KALRN: variants seen among roughly 807,000 people sequenced by gnomAD.
The protein encoded by KALRN is kalirin RhoGEF kinase.
A neutral mutation model predicts 353.7 loss-of-function variants in KALRN; 70 were observed. That is an observed-to-expected ratio of 0.20 (90% CI 0.16 to 0.24). The LOEUF (loss-of-function observed/expected upper bound fraction) is 0.24. KALRN is among the 10% of genes least tolerant of loss of function. KALRN has a pLI of 1.00. For synonymous variants in KALRN, 1,391 were observed against 1,434.8 expected (o/e 0.97, Z 0.69); for missense variants, 2,791 against 3,756.7 (o/e 0.74, Z 6.72).
chr3:124,707,426 C>G (rs1182265119), intron 57 of KALRN, among the ~76,000 whole-genome samples: 1 of 150,426 alleles, frequency 6.6e-6, no homozygotes, highest in Non-Finnish European at 1.5e-5. Flanking sequence ...TCCTTCCTTC[C>G]TTCCTTCCTT....
At chr3:124,094,936 G>T in intron 1 of KALRN, 2 of 1,587,292 alleles carry the variant, frequency 1.3e-6, no homozygotes, top group South Asian at 2.2e-5. Context: ...TTGTATGAGA[G>T]ACTGAGAGAG....
intron 33 of KALRN, among the ~76,000 whole-genome samples, chr3:124,520,296 GT>G (rs1287467935): frequency 6.6e-6 from 1 of 151,968 alleles, no homozygotes; most frequent in African/African-American, 2.4e-5. Context: ...ATAATCAATG[GT>G]AAAATTTTAT....
At chr3:124,554,594 A>G (rs1180006404) in intron 33 of KALRN, among the ~76,000 whole-genome samples, 1 of 152,088 alleles carries the variant, frequency 6.6e-6, no homozygotes, top group Non-Finnish European at 1.5e-5. Flanking sequence ...AGGATTTTAT[A>G]GTGTTACTGA....
chr3:124,244,428 G>A (rs2080872011), intron 3 of KALRN, among the ~76,000 whole-genome samples: 1 of 152,044 alleles, frequency 6.6e-6, no homozygotes, highest in Non-Finnish European at 1.5e-5. Flanking sequence ...GTAGAGATGG[G>A]GTTTCACTAT....
chr3:124,634,563 A>C (rs879403617), intron 36 of KALRN, among the ~76,000 whole-genome samples: 3 of 152,090 alleles, frequency 2.0e-5, no homozygotes, highest in African/African-American at 7.2e-5. Flanking sequence ...GTCTCCAGTC[A>C]CCCGGTGATC....
intron 37 of KALRN, among the ~76,000 whole-genome samples, chr3:124,644,045 T>C (rs2082409140): frequency 6.6e-6 from 1 of 152,244 alleles, no homozygotes; most frequent in African/African-American, 2.4e-5. Flanking sequence ...TTAATGATAA[T>C]CCTCATGTAG....
At chr3:124,649,609 T>TAAACAAACAAACAAAC (rs75988107) in intron 37 of KALRN, among the ~76,000 whole-genome samples, 45 of 143,326 alleles carry the variant, frequency 3.1e-4, no homozygotes, top group African/African-American at 1.1e-3. Flanking sequence ...CCCAGTCTCT[T>TAAACAAACAAACAAAC]AAACAAACAA....
intron 13 of KALRN, among the ~76,000 whole-genome samples, chr3:124,405,915 A>G (rs1022936341): frequency 2.0e-5 from 3 of 152,188 alleles, no homozygotes; most frequent in Non-Finnish European, 4.4e-5. Flanking sequence ...AAGTACTGGG[A>G]TTACAGGCGT....
chr3:124,131,828 C>A (rs72972637), intron 1 of KALRN, among the ~76,000 whole-genome samples: 5,726 of 152,208 alleles, frequency 0.038, 381 homozygotes, highest in African/African-American at 0.13. Flanking sequence ...AACCCAGGCC[C>A]ATTTCTGGCT....
At chr3:124,262,920 ATACTATGCTGG>A (rs1471030777) in intron 3 of KALRN, among the ~76,000 whole-genome samples, 1 of 152,182 alleles carries the variant, frequency 6.6e-6, no homozygotes, top group Non-Finnish European at 1.5e-5. Flanking sequence ...CCCTAAGGAA[ATACTATGCTGG>A]TATTTATATT....
chr3:124,043,508 T>C (rs1370279475), intron 1 of KALRN, among the ~76,000 whole-genome samples: 2 of 152,012 alleles, frequency 1.3e-5, no homozygotes, highest in African/African-American at 2.4e-5. Context: ...GGATGCTTCT[T>C]TCTTGGACTC....
At chr3:124,359,789 G>T (rs1027969989) in intron 10 of KALRN, among the ~76,000 whole-genome samples, 1 of 152,206 alleles carries the variant, frequency 6.6e-6, no homozygotes, top group African/African-American at 2.4e-5. Context: ...CTGGTGGCTG[G>T]TAATAGAATA....
At chr3:124,103,966 G>C (rs1356010705) in intron 1 of KALRN, among the ~76,000 whole-genome samples, 1 of 151,932 alleles carries the variant, frequency 6.6e-6, no homozygotes, top group African/African-American at 2.4e-5. Context: ...CAAGAAAAGA[G>C]AGAGAGAAAA....
At chr3:124,255,889 C>A (rs1266830720) in intron 3 of KALRN, among the ~76,000 whole-genome samples, 3 of 152,094 alleles carry the variant, frequency 2.0e-5, no homozygotes, top group African/African-American at 7.2e-5. Flanking sequence ...AGAGGGCAAA[C>A]TGAATATAAA....
chr3:124,334,445 C>A lies in KALRN; in HGVS notation c.1597C>A (p.Arg533=), dbSNP rs200426937. ...LESIWQHRKV[R]LHQRLQLCVF... ...GAGCATCTGGCAGCACCGCAAGGTG[C>A]GGCTCCACCAGCGGCTGCAGCTCTG... The change falls in exon 9 of 60, where the codon CGG becomes AGG. Residue 533 remains arginine (R), a synonymous_variant. Coordinates refer to ENST00000682506, the MANE Select transcript of KALRN (RefSeq NM_001388419.1). This position sits in a 1 kb window ranked among gnomAD's most constrained non-coding sequence, Gnocchi z 4.2. 8.7e-6 allele frequency: 14 copies of A among 1,614,044 alleles called. No individual in the cohort carries two copies. Among genetic ancestry groups the A allele is most frequent in the East Asian group, 2.2e-5 (1 of 44,876 alleles).
intron 45 of KALRN, among the ~76,000 whole-genome samples, chr3:124,665,759 C>T (rs2085532091): frequency 6.6e-6 from 1 of 152,204 alleles, no homozygotes; most frequent in African/African-American, 2.4e-5. Context: ...GCACCACACC[C>T]ACCCTGGAGT....
chr3:124,259,988 T>C, intron 3 of KALRN, among the ~76,000 whole-genome samples: 1 of 152,292 alleles, frequency 6.6e-6, no homozygotes, highest in East Asian at 1.9e-4. Flanking sequence ...CTGAATCACC[T>C]GATCATGTTC....
intron 9 of KALRN, among the ~76,000 whole-genome samples, chr3:124,340,814 G>C (rs1392191207): frequency 2.0e-5 from 3 of 152,080 alleles, no homozygotes; most frequent in African/African-American, 7.2e-5. Flanking sequence ...ACATTACCCA[G>C]GCATGGTGAT....
intron 33 of KALRN, among the ~76,000 whole-genome samples, chr3:124,556,469 T>C (rs1418181285): frequency 6.6e-6 from 1 of 152,186 alleles, no homozygotes; most frequent in Non-Finnish European, 1.5e-5. Flanking sequence ...GAACCTAGTT[T>C]CTGGAGAAGC....
Sources: gnomAD v4.1 joint callset for allele counts (sites outside exome capture counted in the v4.1 genomes callset) on GRCh38, gnomAD v4.1.1 for gene constraint, Gnocchi (gnomAD v3.1) non-coding constraint, MANE v1.5 for transcripts, NCBI Gene and HGNC (gene_info 2026-07-23, HGNC 2026-07-21) for gene names.